Variants in HK1 observed in about 807,000 individuals in gnomAD.
HK1 encodes hexokinase 1.
HK1 carries 28 observed loss-of-function variants against 91.6 expected under a neutral mutation model. The observed-to-expected ratio is 0.31, with a 90% CI of 0.23 to 0.42. The LOEUF is 0.42. HK1 is among the 10% of genes least tolerant of loss of function. The pLI, the probability that HK1 is intolerant of heterozygous loss-of-function variation, is 1.00. For missense variants in HK1, 770 were observed against 1,219.8 expected (o/e 0.63, Z 5.49); for synonymous variants, 430 against 468.1 (o/e 0.92, Z 1.05).
intron 10 of HK1, 148 bp from the exon 11 acceptor site, chr10:69,384,185 C>A: frequency 1.1e-6 from 1 of 926,864 alleles, no homozygotes; most frequent in South Asian, 1.3e-5. Flanking sequence ...TCCTCTGAGT[C>A]TGTGCTGTGT....
chr10:69,273,508 T>G (rs900642101), intron 1 of HK1, among the ~76,000 whole-genome samples: 10 of 151,988 alleles, frequency 6.6e-5, no homozygotes, highest in African/African-American at 2.2e-4. Flanking sequence ...GAGCCACCGC[T>G]CCCAGCCTAA....
chr10:69,288,606 G>A (rs1384739625), intron 2 of HK1: 5 of 811,998 alleles, frequency 6.2e-6, no homozygotes, highest in Non-Finnish European at 1.1e-5. Flanking sequence ...TTCCTAATTG[G>A]TGAGGACAAA....
chr10:69,318,468 C>T (rs1406914337), upstream of HK1, among the ~76,000 whole-genome samples: 1 of 152,224 alleles, frequency 6.6e-6, no homozygotes, highest in Non-Finnish European at 1.5e-5. Flanking sequence ...GCTTCTCGTC[C>T]CGGCGGAGCC....
At chr10:69,272,017 C>T (rs1844197769) in intron 1 of HK1, among the ~76,000 whole-genome samples, 2 of 152,154 alleles carry the variant, frequency 1.3e-5, no homozygotes, top group Admixed American at 6.5e-5. Flanking sequence ...GCACCTGCCA[C>T]CATGGCCAGC....
intron 2 of HK1, among the ~76,000 whole-genome samples, chr10:69,354,321 A>AATTTAT (rs1465598539): frequency 6.6e-6 from 1 of 152,208 alleles, no homozygotes; most frequent in Non-Finnish European, 1.5e-5. Context: ...AAGACTGGGT[A>AATTTAT]ATTTATAAAG....
chr10:69,316,715 T>G (rs775088253), upstream of HK1, among the ~76,000 whole-genome samples: 69 of 152,238 alleles, frequency 4.5e-4, no homozygotes, highest in Non-Finnish European at 8.8e-4. Flanking sequence ...GCATGGGTGA[T>G]GGCACCGGCT....
chr10:69,294,595 A>T (rs1845459421), intron 3 of HK1, among the ~76,000 whole-genome samples: 1 of 152,116 alleles, frequency 6.6e-6, no homozygotes, highest in Non-Finnish European at 1.5e-5. Flanking sequence ...GGTGCCTCAC[A>T]CTTGTAATCC....
intron 1 of HK1, among the ~76,000 whole-genome samples, chr10:69,276,110 A>AT (rs1564746728): frequency 4.6e-4 from 21 of 45,474 alleles, no homozygotes; most frequent in Middle Eastern, 0.014. Context: ...AAAAAAAAAA[A>AT]AAAAAAAAAT....
rs1004768776 is a variant in HK1 at position 69,401,243 on chromosome 10, C to T, written c.*108C>T. Reference sequence around the variant, plus strand: ...GGGAGACGCTGGCGCCAGGGCCTGCCGGCGCGGGGAGGAAAGCAAAATCCA... The same window carrying T: ...GGGAGACGCTGGCGCCAGGGCCTGCTGGCGCGGGGAGGAAAGCAAAATCCA... On this transcript the variant is annotated 3_prime_UTR_variant, in exon 18 of 18. Transcript: ENST00000359426. 18 of 1,362,030 alleles carry T rather than the reference C, an allele frequency of 1.3e-5. No homozygotes were observed. Among genetic ancestry groups the T allele is most frequent in the Admixed American group, 6.0e-5 (3 of 50,170 alleles). The allele number at this position is 1,362,030 out of a possible 1,614,324, so 84.4% of individuals were successfully genotyped here. A position where few individuals can be genotyped will look rare whatever the true frequency, so the allele number is the denominator to read the frequency against.
intron 1 of HK1, among the ~76,000 whole-genome samples, chr10:69,276,118 A>ATATATATATATATATAT (rs1426672139): frequency 8.1e-4 from 31 of 38,262 alleles, no homozygotes; most frequent in Non-Finnish European, 8.1e-4. Flanking sequence ...AAAAAAAAAA[A>ATATATATATATATATAT]ATACATATAT....
At chr10:69,340,721 C>T (rs1300767948) in intron 1 of HK1, among the ~76,000 whole-genome samples, 3 of 152,236 alleles carry the variant, frequency 2.0e-5, no homozygotes, top group South Asian at 2.1e-4. Context: ...TATGATCTTG[C>T]GCTTGCTCCT....
At chr10:69,386,463 G>A in intron 13 of HK1, 45 bp downstream of exon 13, 3 of 1,464,680 alleles carry the variant, frequency 2.0e-6, no homozygotes, top group Non-Finnish European at 2.9e-6. Flanking sequence ...CTGTTTTAGG[G>A]GCTTCTAAAA....
In HK1 at chr10:69,369,119, T is replaced by A; in HGVS notation, c.592-118T>A. ...TGAGTACCAGCTGTAATGAAACCAGTACCACTCACAAAAGCAGGGGTTCTG... is the reference window on the plus strand; with the variant it reads ...TGAGTACCAGCTGTAATGAAACCAGAACCACTCACAAAAGCAGGGGTTCTG... On this transcript the variant is annotated intron_variant, in intron 5 of 17. Transcript: ENST00000359426. The surrounding 1 kb of genome is among the most constrained non-coding windows in gnomAD (Gnocchi z 4.4). The A allele has an allele frequency of 1.3e-6, 1 of 746,914 alleles. No homozygotes were observed. The highest frequency in any genetic ancestry group is 2.4e-6 in the Non-Finnish European group (1 of 413,086). 46.3% of individuals were successfully genotyped at this position (746,914 alleles called of 1,614,324 possible). A position where few individuals can be genotyped will look rare whatever the true frequency, so the allele number is the denominator to read the frequency against.
intron 7 of HK1, among the ~76,000 whole-genome samples, chr10:69,375,985 G>A (rs1370605738): frequency 2.0e-5 from 3 of 152,208 alleles, no homozygotes; most frequent in East Asian, 3.9e-4. Flanking sequence ...GCAGAGCCCA[G>A]CCCTGGAGTT....
chr10:69,287,975 CAAA>C (rs35699014), intron 2 of HK1, among the ~76,000 whole-genome samples: 4 of 115,892 alleles, frequency 3.5e-5, no homozygotes, highest in Non-Finnish European at 3.6e-5. Flanking sequence ...ACTGTGTCTA[CAAA>C]AAAAAAAAAA....
intron 7 of HK1, among the ~76,000 whole-genome samples, chr10:69,370,713 G>A (rs1849954409): frequency 6.6e-6 from 1 of 152,164 alleles, no homozygotes; most frequent in African/African-American, 2.4e-5. Flanking sequence ...TCATGTAGAC[G>A]TTAGGGAGAA....
intron 3 of HK1, chr10:69,288,825 C>T (rs974437974): frequency 3.0e-5 from 45 of 1,489,690 alleles, no homozygotes; most frequent in Middle Eastern, 3.4e-4. Flanking sequence ...TTTGTTCCAT[C>T]GCCCAGGCTG....
rs561906846 is a variant in HK1, at chr10:69,387,570, G to T, written c.1935+1152G>T. 2.0e-5 allele frequency among the ~76,000 whole-genome samples: 3 copies of T among 152,170 alleles called. No individual in the cohort carries two copies. In the South Asian group the frequency reaches 6.2e-4, roughly 32 times the overall value. The stretch of plus-strand genomic sequence containing the variant: ...CAAAGTGTTGGGGTTTTTAAATAGA[G>T]GTGGGGTCTTGCTATGTTACCCATG... On this transcript the variant is annotated intron_variant, in intron 13 of 17. Transcript: ENST00000359426.
At chr10:69,286,081 A>G (rs148438047) in intron 2 of HK1, among the ~76,000 whole-genome samples, 3 of 152,210 alleles carry the variant, frequency 2.0e-5, no homozygotes, top group Non-Finnish European at 2.9e-5. Context: ...CAGTGTTTTA[A>G]CTAGACTCGG....
Sources: gnomAD v4.1 joint callset for allele counts (sites outside exome capture counted in the v4.1 genomes callset) on GRCh38, gnomAD v4.1.1 for gene constraint, Gnocchi (gnomAD v3.1) non-coding constraint, MANE v1.5 for transcripts, NCBI Gene and HGNC (gene_info 2026-07-23, HGNC 2026-07-21) for gene names.